Variants in LDLRAD3 observed in about 807,000 individuals in gnomAD.
The protein encoded by LDLRAD3 is low density lipoprotein receptor class A domain containing 3, also known as low-density lipoprotein receptor class A domain-containing protein 3.
In LDLRAD3, 20 loss-of-function variants were observed where a neutral mutation model predicts 29.4. The observed-to-expected ratio is 0.68, with a 90% confidence interval of 0.48 to 0.99. The LOEUF (loss-of-function observed/expected upper bound fraction) is 0.99, where lower values mean the gene tolerates loss of function less well. LDLRAD3 is among the 50% of genes least tolerant of loss of function. The probability of loss-of-function intolerance (pLI) is 0.00; values close to 1 mark genes in which losing one functional copy is unlikely to be tolerated. For synonymous variants in LDLRAD3, 157 were observed against 192.7 expected, an observed-to-expected ratio of 0.81 and a Z score of 1.53; for missense variants, 420 against 454.3, an observed-to-expected ratio of 0.92 and a Z score of 0.69.
intron 4 of LDLRAD3, among the ~76,000 whole-genome samples, chr11:36,181,956 T>C (rs564230771): frequency 6.6e-6 from 1 of 151,808 alleles, no homozygotes; most frequent in African/African-American, 2.4e-5. Context: ...CATATGCACA[T>C]CCTTATCTCA....
chr11:36,060,042 G>A (rs1274105008), intron 2 of LDLRAD3, among the ~76,000 whole-genome samples: 1 of 152,218 alleles, frequency 6.6e-6, no homozygotes, highest in African/African-American at 2.4e-5. Flanking sequence ...TTACAGATAA[G>A]GAAATGGAGG....
chr11:36,186,899 T>G (rs1419404140), intron 4 of LDLRAD3, among the ~76,000 whole-genome samples: 2 of 152,164 alleles, frequency 1.3e-5, no homozygotes, highest in African/African-American at 4.8e-5. Flanking sequence ...AATTACACAG[T>G]TTTTAAAAAA....
intron 4 of LDLRAD3, among the ~76,000 whole-genome samples, chr11:36,224,442 A>C (rs559148756): frequency 2.0e-5 from 3 of 152,356 alleles, no homozygotes; most frequent in Admixed American, 2.0e-4. Flanking sequence ...AAACATACAC[A>C]TACACAAGCC....
intron 1 of LDLRAD3, among the ~76,000 whole-genome samples, chr11:36,030,404 C>T (rs1282375546): frequency 2.0e-5 from 3 of 151,572 alleles, no homozygotes; most frequent in Non-Finnish European, 4.4e-5. Flanking sequence ...ACTGCAGAGC[C>T]GCTCACTCAC....
intron 1 of LDLRAD3, among the ~76,000 whole-genome samples, chr11:36,033,613 C>G (rs575938931): frequency 3.9e-5 from 6 of 152,326 alleles, no homozygotes; most frequent in South Asian, 2.1e-4. Flanking sequence ...CCTTACATTC[C>G]AGGCCCCTGA....
At chr11:36,178,072 G>A (rs1159000037) in intron 4 of LDLRAD3, among the ~76,000 whole-genome samples, 2 of 152,166 alleles carry the variant, frequency 1.3e-5, no homozygotes, top group Non-Finnish European at 2.9e-5. Flanking sequence ...TGGAGCTAAA[G>A]TTCACGATGT....
chr11:35,955,250 A>G (rs1352574882), intron 1 of LDLRAD3, among the ~76,000 whole-genome samples: 1 of 152,232 alleles, frequency 6.6e-6, no homozygotes, highest in Non-Finnish European at 1.5e-5. Flanking sequence ...CTCTCAAAAC[A>G]AAACAAAACA....
intron 4 of LDLRAD3, among the ~76,000 whole-genome samples, chr11:36,176,139 T>C (rs141159451): frequency 5.9e-5 from 9 of 152,346 alleles, no homozygotes; most frequent in Admixed American, 2.6e-4. Flanking sequence ...TGTTGTCCAT[T>C]TGCATAGACT....
intron 3 of LDLRAD3, 93 bp downstream of exon 3, chr11:36,081,871 A>T: frequency 7.0e-7 from 1 of 1,432,778 alleles, no homozygotes; most frequent in Non-Finnish European, 9.6e-7. Flanking sequence ...TGCTTCTTAT[A>T]CCTAGAGGCT....
chr11:36,136,574 A>G (rs1166623411), intron 4 of LDLRAD3, among the ~76,000 whole-genome samples: 1 of 152,058 alleles, frequency 6.6e-6, no homozygotes, highest in Non-Finnish European at 1.5e-5. Context: ...TCACCATGTG[A>G]CATGCCTGCT....
chr11:36,157,684 G>A (rs912444827), intron 4 of LDLRAD3, among the ~76,000 whole-genome samples: 7 of 152,142 alleles, frequency 4.6e-5, no homozygotes, highest in Non-Finnish European at 1.0e-4. Context: ...GGAGCCATTG[G>A]GACCATCACA....
At chr11:36,093,147 G>A (rs959613732) in intron 3 of LDLRAD3, among the ~76,000 whole-genome samples, 2 of 152,170 alleles carry the variant, frequency 1.3e-5, no homozygotes, top group Admixed American at 6.5e-5. Flanking sequence ...GAAGGGAAGT[G>A]AGTGCTCACT....
At chr11:36,007,962 G>T (rs2133184479) in intron 1 of LDLRAD3, among the ~76,000 whole-genome samples, 1 of 152,300 alleles carries the variant, frequency 6.6e-6, no homozygotes, top group Middle Eastern at 3.4e-3. Flanking sequence ...CCCAACCCTT[G>T]TAGAAATCCC....
At chr11:36,169,492 C>G (rs1854564441) in intron 4 of LDLRAD3, among the ~76,000 whole-genome samples, 1 of 152,154 alleles carries the variant, frequency 6.6e-6, no homozygotes, top group African/African-American at 2.4e-5. Context: ...TCTACTCTTT[C>G]CCTCTGTGAG....
intron 1 of LDLRAD3, among the ~76,000 whole-genome samples, chr11:36,034,296 C>G (rs1212642533): frequency 3.3e-5 from 5 of 152,218 alleles, no homozygotes; most frequent in Non-Finnish European, 1.5e-5. Flanking sequence ...AGCTGGCAGG[C>G]AGGGAGGCCA....
Position 36,228,168 on chromosome 11 carries a change from C to T in LDLRAD3, c.800+738C>T, listed in dbSNP as rs137936665. ...GTATGGCATTAGACATTTTGCTGGCCGTGTTCTGATGGTGACTGGGCTCTT... is the reference window on the plus strand; with the variant it reads ...GTATGGCATTAGACATTTTGCTGGCTGTGTTCTGATGGTGACTGGGCTCTT... On this transcript the variant is annotated intron_variant, in intron 5 of 5. Coordinates refer to ENST00000315571, the MANE Select transcript of LDLRAD3 (RefSeq NM_174902.4). Among the ~76,000 whole-genome samples the T allele has an allele frequency of 1.4e-4, 21 of 152,272 alleles. No homozygotes were observed. The East Asian group carries it at 2.3e-3, about 17-fold the overall frequency.
rs539174128 is a variant in LDLRAD3, at chr11:36,185,589, G to A, written c.455-41496G>A. 4.0e-5 allele frequency among the ~76,000 whole-genome samples: 6 copies of A among 149,642 alleles called. No homozygotes were observed. The South Asian group carries it at 6.3e-4, about 16-fold the overall frequency. ...CCAGTGTCTGTCATTGAAAAGTGGG[G>A]AGATAGCCTGTACCTGGGCTCCCTC... On this transcript the variant is annotated intron_variant, in intron 4 of 5. Coordinates refer to ENST00000315571, the MANE Select transcript of LDLRAD3 (RefSeq NM_174902.4).
intron 1 of LDLRAD3, among the ~76,000 whole-genome samples, chr11:36,035,119 G>A (rs562908333): frequency 6.6e-6 from 1 of 151,774 alleles, no homozygotes; most frequent in East Asian, 1.9e-4. Context: ...TCCAGTAAAT[G>A]CTTATGGAAT....
intron 4 of LDLRAD3, among the ~76,000 whole-genome samples, chr11:36,207,018 A>C (rs1421354253): frequency 6.6e-6 from 1 of 152,032 alleles, no homozygotes; most frequent in Non-Finnish European, 1.5e-5. Flanking sequence ...GAACCACTGC[A>C]CCCGACCCTG....
Sources: allele counts gnomAD v4.1 joint callset (sites outside exome capture counted in the v4.1 genomes callset), GRCh38; gene constraint gnomAD v4.1.1; transcripts MANE v1.5; gene names NCBI Gene and HGNC (gene_info 2026-07-23, HGNC 2026-07-21).